THSD4: variants seen among roughly 807,000 people sequenced by gnomAD.
THSD4 encodes the protein thrombospondin type 1 domain containing 4, also known as thrombospondin type-1 domain-containing protein 4.
Under a neutral mutation model 119.0 loss-of-function variants are expected in THSD4, and 69 were observed. The ratio of observed to expected loss-of-function variants is 0.58; its 90% CI spans 0.48 to 0.71. THSD4 has a LOEUF of 0.71. Ranked by LOEUF, THSD4 falls within the 30% of genes least tolerant of loss-of-function variation. The probability of loss-of-function intolerance (pLI) is 0.00; values close to 1 mark genes in which losing one functional copy is unlikely to be tolerated. For missense variants in THSD4, 1,393 were observed against 1,391.1 expected, an observed-to-expected ratio of 1.00 and a Z score of -0.02; for synonymous variants, 524 against 540.4, an observed-to-expected ratio of 0.97 and a Z score of 0.42.
At chr15:71,752,474 A>G (rs1441371661) in intron 14 of THSD4, among the ~76,000 whole-genome samples, 2 of 152,198 alleles carry the variant, frequency 1.3e-5, no homozygotes, top group African/African-American at 4.8e-5. Flanking sequence ...GTTGGGTGCT[A>G]TGGTGTAAGT....
chr15:71,248,967 C>A (rs1360970608), intron 5 of THSD4, among the ~76,000 whole-genome samples: 7 of 152,170 alleles, frequency 4.6e-5, no homozygotes, highest in African/African-American at 1.2e-4. Context: ...ACACTAGTTT[C>A]TCTTATCATG....
At chr15:71,557,562 A>G (rs551043358) in intron 7 of THSD4, among the ~76,000 whole-genome samples, 1 of 152,284 alleles carries the variant, frequency 6.6e-6, no homozygotes, top group East Asian at 1.9e-4. Context: ...ATTGTAATTT[A>G]TTCCTAGAAA....
At chr15:71,648,294 T>A (rs8027671) in intron 7 of THSD4, among the ~76,000 whole-genome samples, 1 of 152,098 alleles carries the variant, frequency 6.6e-6, no homozygotes, top group East Asian at 1.9e-4. Context: ...TCCATGGGGC[T>A]TCCTACTGCC....
chr15:71,615,455 A>G (rs1043933894), intron 7 of THSD4, among the ~76,000 whole-genome samples: 2 of 152,140 alleles, frequency 1.3e-5, no homozygotes, highest in Non-Finnish European at 2.9e-5. Flanking sequence ...AAGAAGGGAA[A>G]TATGCATTTA....
upstream of THSD4, among the ~76,000 whole-genome samples, chr15:71,114,146 G>A (rs2040330611): frequency 6.6e-6 from 1 of 152,080 alleles, no homozygotes; most frequent in Non-Finnish European, 1.5e-5. Context: ...GCCAGGCTCC[G>A]GGCCAGTAGT....
chr15:71,441,398 T>TTG (rs2047087122), intron 7 of THSD4, among the ~76,000 whole-genome samples: 1 of 12,102 alleles, frequency 8.3e-5, no homozygotes, highest in South Asian at 2.1e-3. Context: ...ACCTGTAGAA[T>TTG]TTTTTTTTTT....
intron 7 of THSD4, among the ~76,000 whole-genome samples, chr15:71,453,791 G>A (rs2047299366): frequency 6.6e-6 from 1 of 152,182 alleles, no homozygotes; most frequent in South Asian, 2.1e-4. Flanking sequence ...GATGGTCATT[G>A]CCTTCTTGTG....
intron 7 of THSD4, among the ~76,000 whole-genome samples, chr15:71,414,041 A>T (rs2046724929): frequency 6.6e-6 from 1 of 152,256 alleles, no homozygotes; most frequent in South Asian, 2.1e-4. Context: ...ATGGTAGAGT[A>T]TAATGGTTAC....
At chr15:71,450,608 T>C (rs572483892) in intron 7 of THSD4, among the ~76,000 whole-genome samples, 1 of 152,334 alleles carries the variant, frequency 6.6e-6, no homozygotes, top group Non-Finnish European at 1.5e-5. Context: ...TAGTGACAAA[T>C]TGGAGTCTGT....
chr15:71,370,442 T>C (rs1489826462), intron 6 of THSD4, among the ~76,000 whole-genome samples: 4 of 152,136 alleles, frequency 2.6e-5, no homozygotes, highest in South Asian at 2.1e-4. Context: ...TCCCTCTACA[T>C]ACTGCTTTAA....
chr15:71,696,455 A>G (rs941205467), intron 8 of THSD4, among the ~76,000 whole-genome samples: 9 of 152,190 alleles, frequency 5.9e-5, no homozygotes, highest in African/African-American at 1.9e-4. Flanking sequence ...TCCACCCCCA[A>G]TGACCCAAAC....
chr15:71,763,762 T>A (rs956642842), intron 15 of THSD4, among the ~76,000 whole-genome samples: 2 of 151,746 alleles, frequency 1.3e-5, no homozygotes, highest in Non-Finnish European at 2.9e-5. Context: ...CTAAAAAAAA[T>A]TGTTTTAATT....
At chr15:71,329,419 C>T (rs1463457045) in intron 6 of THSD4, among the ~76,000 whole-genome samples, 1 of 152,134 alleles carries the variant, frequency 6.6e-6, no homozygotes, top group African/African-American at 2.4e-5. Context: ...CTTTGAGTGA[C>T]CCACACTGCT....
intron 7 of THSD4, among the ~76,000 whole-genome samples, chr15:71,501,419 AGTGG>A (rs1305954127): frequency 6.6e-6 from 1 of 152,202 alleles, no homozygotes; most frequent in Non-Finnish European, 1.5e-5. Flanking sequence ...GTATACCTCA[AGTGG>A]GTTTATCTGA....
Position 71,411,688 on chromosome 15 carries a change from A to G in THSD4, c.1017A>G (p.Val339=), listed in dbSNP as rs760151031. 1 of 1,613,730 alleles carries G rather than the reference A, an allele frequency of 6.2e-7. No homozygotes were observed. The highest frequency in any genetic ancestry group is 1.1e-5 in the South Asian group (1 of 91,020). Residue 339 remains valine (V), a splice_region_variant and synonymous_variant, in exon 7 of 18, where the codon GTA becomes GTG. Transcript: ENST00000261862. The part of the protein sequence containing the change: ...RFYEWEPFAE[V]KGNRKCELNC... ...TTTTATTTCATTTTACTTTGGTAGT[A>G]AAAGGCAATCGCAAATGTGAGTTGA...
chr15:71,360,710 T>A (rs1326054691), intron 6 of THSD4, among the ~76,000 whole-genome samples: 1 of 152,242 alleles, frequency 6.6e-6, no homozygotes, highest in East Asian at 1.9e-4. Context: ...CAAGAAGGGC[T>A]TTAGAAATTA....
intron 8 of THSD4, among the ~76,000 whole-genome samples, chr15:71,715,415 C>T (rs1352609960): frequency 6.6e-6 from 1 of 152,162 alleles, no homozygotes; most frequent in African/African-American, 2.4e-5. Context: ...CAAGCTTATA[C>T]TTCAAATTTC....
intron 6 of THSD4, among the ~76,000 whole-genome samples, chr15:71,391,086 T>C (rs1377416976): frequency 6.7e-6 from 1 of 150,098 alleles, no homozygotes; most frequent in Non-Finnish European, 1.5e-5. Context: ...TGGAGTGCAG[T>C]GGCACAATCT....
intron 4 of THSD4, among the ~76,000 whole-genome samples, 194 bp downstream of exon 4, chr15:71,215,593 TGAG>T (rs2043926362): frequency 6.6e-6 from 1 of 152,206 alleles, no homozygotes; most frequent in Non-Finnish European, 1.5e-5. Flanking sequence ...TGTAAAGTGT[TGAG>T]GCCACTCCCA....
Sources: gnomAD v4.1 joint callset for allele counts (sites outside exome capture counted in the v4.1 genomes callset) on GRCh38, gnomAD v4.1.1 for gene constraint, MANE v1.5 for transcripts, NCBI Gene and HGNC (gene_info 2026-07-23, HGNC 2026-07-21) for gene names.